IQCJ: variants seen among roughly 807,000 people sequenced by gnomAD.
The protein encoded by IQCJ is IQ motif containing J.
In IQCJ, 9 loss-of-function variants were observed where a neutral mutation model predicts 11.0. The observed-to-expected ratio is 0.82, with a 90% CI of 0.49 to 1.43. The LOEUF is 1.43. Among genes scored for constraint, IQCJ ranks in the 40% most tolerant of loss-of-function variants. The probability of loss-of-function intolerance (pLI) is 0.00; values close to 1 mark genes in which losing one functional copy is unlikely to be tolerated. For synonymous variants in IQCJ, 55 were observed against 51.3 expected (o/e 1.07, Z -0.31); for missense variants, 146 against 133.2 (o/e 1.10, Z -0.47).
At chr3:159,135,962 A>G (rs934683884) in intron 1 of IQCJ, among the ~76,000 whole-genome samples, 1 of 152,214 alleles carries the variant, frequency 6.6e-6, no homozygotes, top group African/African-American at 2.4e-5. Flanking sequence ...ATAATAATTC[A>G]TTTAATCCTT....
At chr3:159,238,926 C>A (rs989648952) in intron 1 of IQCJ, among the ~76,000 whole-genome samples, 2 of 152,026 alleles carry the variant, frequency 1.3e-5, no homozygotes, top group Non-Finnish European at 2.9e-5. Context: ...TGGAATCTAA[C>A]CTGACAGCAA....
At chr3:159,094,020 C>G (rs1192759602) in intron 1 of IQCJ, among the ~76,000 whole-genome samples, 1 of 151,786 alleles carries the variant, frequency 6.6e-6, no homozygotes, top group African/African-American at 2.4e-5. Flanking sequence ...GTCAGTCATA[C>G]AGGTAATTAG....
chr3:159,247,238 A>T (rs1370411825), intron 2 of IQCJ, among the ~76,000 whole-genome samples: 1 of 152,186 alleles, frequency 6.6e-6, no homozygotes, highest in Admixed American at 6.5e-5. Context: ...CTGGGATTAC[A>T]GGCACGTGCC....
At chr3:159,235,989 C>T (rs1018465040) in intron 1 of IQCJ, among the ~76,000 whole-genome samples, 1 of 152,248 alleles carries the variant, frequency 6.6e-6, no homozygotes, top group African/African-American at 2.4e-5. Flanking sequence ...GCTGTAAGAT[C>T]ACAGTCCCTC....
Position 159,263,608 on chromosome 3 carries a change from C to A in IQCJ, c.*877C>A. 1 of 984,982 alleles carries A rather than the reference C, an allele frequency of 1.0e-6. No individual in the cohort carries two copies. Among genetic ancestry groups the A allele is most frequent in the Non-Finnish European group, 1.2e-6 (1 of 829,606 alleles). 61.0% of individuals were successfully genotyped at this position (984,982 alleles called of 1,614,324 possible). A position where few individuals can be genotyped will look rare whatever the true frequency, so the allele number is the denominator to read the frequency against. On this transcript the variant is annotated 3_prime_UTR_variant, in exon 4 of 4. Transcript: ENST00000397832. ...AAGTATATTACTTCCAAAAATTTTT[C>A]TTTTACTTTTGGTTATCATGTTTAT... is the stretch of plus-strand genomic sequence containing the variant.
intron 3 of IQCJ, among the ~76,000 whole-genome samples, chr3:159,258,872 C>T (rs936820515): frequency 2.0e-5 from 3 of 152,140 alleles, no homozygotes; most frequent in Non-Finnish European, 4.4e-5. Flanking sequence ...TTCTGAGAGC[C>T]TCTTGCCATC....
At chr3:159,264,318 C>T (rs554042213), downstream of IQCJ, among the ~76,000 whole-genome samples, 28 of 152,312 alleles carry the variant, frequency 1.8e-4, no homozygotes, top group African/African-American at 6.3e-4. Context: ...TCGATTCTAG[C>T]ATAAGTGTTT....
At chr3:159,218,956 C>G (rs1009214343) in intron 1 of IQCJ, among the ~76,000 whole-genome samples, 1 of 152,126 alleles carries the variant, frequency 6.6e-6, no homozygotes, top group African/African-American at 2.4e-5. Flanking sequence ...TTTCTTCCAT[C>G]TTCAAAGCCA....
intron 1 of IQCJ, chr3:159,069,867 G>T: frequency 2.8e-6 from 1 of 362,602 alleles, no homozygotes; most frequent in Non-Finnish European, 5.5e-6. Flanking sequence ...GTGTGTGTGT[G>T]TGTGTGTGTG....
Position 159,245,853 on chromosome 3 carries a change from A to C in IQCJ, c.20A>C (p.Lys7Thr). The C allele has an allele frequency of 6.5e-7, 1 of 1,547,046 alleles. No individual in the cohort carries two copies. Among genetic ancestry groups the C allele is most frequent in the Non-Finnish European group, 8.8e-7 (1 of 1,141,428 alleles). The change falls in exon 2 of 4, where the codon AAA (lysine) becomes ACA (threonine). Residue 7 changes from lysine to threonine, a missense_variant. Transcript: ENST00000397832. ...TTCTCTTTTTCACAGGAAGAACTGAAAAGATTGCAGAATCCTCTAGAACAA... is the reference window on the plus strand; with the variant it reads ...TTCTCTTTTTCACAGGAAGAACTGACAAGATTGCAGAATCCTCTAGAACAA... MRLEELKRLQNPLEQVN... is the reference protein window; with the variant it reads MRLEELTRLQNPLEQVN...
At chr3:159,189,494 C>T (rs1003988155) in intron 1 of IQCJ, among the ~76,000 whole-genome samples, 1 of 152,136 alleles carries the variant, frequency 6.6e-6, no homozygotes, top group African/African-American at 2.4e-5. Context: ...TTACTCTGCA[C>T]AAACTTCATT....
chr3:159,252,846 A>C, intron 3 of IQCJ, 39 bp downstream of exon 3: 1 of 1,576,860 alleles, frequency 6.3e-7, no homozygotes, highest in Non-Finnish European at 8.6e-7. Flanking sequence ...AATTAGTTCT[A>C]GTTTTATGAA....
intron 2 of IQCJ, among the ~76,000 whole-genome samples, chr3:159,251,969 G>C (rs532325942): frequency 6.6e-6 from 1 of 152,178 alleles, no homozygotes; most frequent in East Asian, 1.9e-4. Context: ...TTAGCTTTCT[G>C]CTTATCAAAG....
intron 1 of IQCJ, among the ~76,000 whole-genome samples, chr3:159,146,665 T>C (rs925149160): frequency 6.6e-6 from 1 of 152,196 alleles, no homozygotes; most frequent in Non-Finnish European, 1.5e-5. Context: ...AAACAACTTA[T>C]GAGCTGAAAC....
chr3:159,258,864 C>T (rs748117016), intron 3 of IQCJ, among the ~76,000 whole-genome samples: 1 of 152,140 alleles, frequency 6.6e-6, no homozygotes, highest in Non-Finnish European at 1.5e-5. Flanking sequence ...CAGGTGGCTT[C>T]TGAGAGCCTC....
intron 1 of IQCJ, among the ~76,000 whole-genome samples, chr3:159,238,239 A>C (rs761170020): frequency 7.9e-5 from 12 of 152,182 alleles, no homozygotes; most frequent in Non-Finnish European, 1.5e-4. Context: ...AAAATATTCA[A>C]CTTCTTTCTT....
intron 1 of IQCJ, among the ~76,000 whole-genome samples, chr3:159,189,266 A>C (rs1034053730): frequency 1.3e-5 from 2 of 152,222 alleles, no homozygotes; most frequent in African/African-American, 2.4e-5. Context: ...GTTCAAGTAC[A>C]TGATAAAAAG....
At chr3:159,193,828 A>G (rs940646228) in intron 1 of IQCJ, among the ~76,000 whole-genome samples, 1 of 152,120 alleles carries the variant, frequency 6.6e-6, no homozygotes, top group Non-Finnish European at 1.5e-5. Context: ...TCTAGATAAG[A>G]CTTAGTACAA....
chr3:159,228,930 T>A (rs13080892), intron 1 of IQCJ, among the ~76,000 whole-genome samples: 14,788 of 152,288 alleles, frequency 0.097, 927 homozygotes, highest in Middle Eastern at 0.13. Flanking sequence ...GACTTAATCT[T>A]CTGCACAATC....
Sources: gnomAD v4.1 joint callset for allele counts (sites outside exome capture counted in the v4.1 genomes callset) on GRCh38, gnomAD v4.1.1 for gene constraint, MANE v1.5 for transcripts, NCBI Gene and HGNC (gene_info 2026-07-23, HGNC 2026-07-21) for gene names.